The following CORO2A variants were observed in gnomAD, a reference collection of about 807,000 sequenced individuals.
CORO2A encodes coronin-2A.
Under a neutral mutation model 62.4 loss-of-function variants are expected in CORO2A, and 47 were observed. That is an observed-to-expected ratio of 0.75 (90% confidence interval 0.60 to 0.96). The LOEUF (loss-of-function observed/expected upper bound fraction) is 0.96, where lower values mean the gene tolerates loss of function less well. Ranked by LOEUF, CORO2A falls within the 40% of genes least tolerant of loss-of-function variation. The pLI is 0.00. For synonymous variants in CORO2A, 273 were observed against 268.9 expected, an observed-to-expected ratio of 1.02 and a Z score of -0.15; for missense variants, 610 against 684.1, an observed-to-expected ratio of 0.89 and a Z score of 1.21.
At chr9:98,134,187 C>A (rs1384897975) in intron 4 of CORO2A, among the ~76,000 whole-genome samples, 1 of 152,184 alleles carries the variant, frequency 6.6e-6, no homozygotes, top group Non-Finnish European at 1.5e-5. Context: ...GAAACTGAGG[C>A]CTAGAGAAGT....
At chr9:98,130,914 C>T (rs747042928) in intron 7 of CORO2A, 41 bp downstream of exon 7, 1 of 1,538,560 alleles carries the variant, frequency 6.5e-7, no homozygotes. Context: ...GCCGCTGTCT[C>T]AGGGGTCCAG....
intron 1 of CORO2A, among the ~76,000 whole-genome samples, chr9:98,179,119 T>C (rs1828145190): frequency 2.0e-5 from 3 of 152,224 alleles, no homozygotes; most frequent in African/African-American, 7.2e-5. Flanking sequence ...ATCTGTAAAA[T>C]GGAACGAATC....
Position 98,137,611 on chromosome 9 carries a change from A to G in CORO2A, c.279T>C (p.Phe93=). Residue 93 remains phenylalanine (F), a synonymous_variant, in exon 3 of 12, where the codon TTT becomes TTC. Coordinates refer to ENST00000375077, the MANE Select transcript of CORO2A (RefSeq NM_052820.4). ...GNVLDVKWNP[F]DDFEIASCSE... ...AACAGGAGGCGATCTCAAAATCATC[A>G]AAAGGGTTCCACTTGACATCCAAAA... 1 of 1,614,220 alleles carries G rather than the reference A, an allele frequency of 6.2e-7. No homozygotes were observed. Among genetic ancestry groups the G allele is most frequent in the Non-Finnish European group, 8.5e-7 (1 of 1,180,042 alleles).
intron 1 of CORO2A, among the ~76,000 whole-genome samples, chr9:98,160,684 C>G (rs1189851373): frequency 6.6e-6 from 1 of 152,126 alleles, no homozygotes; most frequent in African/African-American, 2.4e-5. Flanking sequence ...CGCTCCAGGC[C>G]CCCCCACTCC....
intron 1 of CORO2A, among the ~76,000 whole-genome samples, chr9:98,173,770 G>A (rs1361651300): frequency 6.6e-6 from 1 of 152,148 alleles, no homozygotes; most frequent in African/African-American, 2.4e-5. Context: ...CCTTCTCTAA[G>A]TCTTGATACC....
intron 1 of CORO2A, among the ~76,000 whole-genome samples, chr9:98,190,048 C>A (rs1678541347): frequency 6.6e-6 from 1 of 152,130 alleles, no homozygotes; most frequent in Non-Finnish European, 1.5e-5. Context: ...CCACACCCAG[C>A]TAATTTTTAT....
chr9:98,133,295 C>G, intron 4 of CORO2A, 78 bp from the exon 5 acceptor site: 1 of 1,383,730 alleles, frequency 7.2e-7, no homozygotes, highest in Non-Finnish European at 1.0e-6. Flanking sequence ...GGCCAGGATG[C>G]AGTGAAACAC....
chr9:98,140,857 C>T lies in CORO2A; in HGVS notation c.202-3169G>A, dbSNP rs190304576. The stretch of plus-strand genomic sequence containing the variant: ...TCAGGAAAAAGTGATCAGACACCTC[C>T]GCCTAGACTGGATCCCCTACTGGAG... On this transcript the variant is annotated intron_variant, in intron 2 of 11. Coordinates refer to ENST00000375077, the MANE Select transcript of CORO2A (RefSeq NM_052820.4). Among the ~76,000 whole-genome samples the T allele has an allele frequency of 3.5e-4, 54 of 152,284 alleles. No homozygotes were observed. In the East Asian group the frequency reaches 3.9e-3, roughly 11 times the overall value.
chr9:98,192,176 C>G (rs1828313077), intron 1 of CORO2A, among the ~76,000 whole-genome samples: 2 of 152,172 alleles, frequency 1.3e-5, no homozygotes, highest in African/African-American at 2.4e-5. Context: ...ATGGAGCACC[C>G]GGGCCACAGC....
chr9:98,176,403 T>C (rs1828109665), intron 1 of CORO2A, among the ~76,000 whole-genome samples: 1 of 152,186 alleles, frequency 6.6e-6, no homozygotes, highest in East Asian at 1.9e-4. Flanking sequence ...AGTCTAGTGA[T>C]GGGGAGCTCA....
intron 1 of CORO2A, among the ~76,000 whole-genome samples, chr9:98,161,478 G>A (rs13290961): frequency 6.6e-6 from 1 of 151,852 alleles, no homozygotes; most frequent in Non-Finnish European, 1.5e-5. Context: ...CACTTGAACC[G>A]GGAATGCGGA....
At chr9:98,175,487 C>T (rs894001885) in intron 1 of CORO2A, among the ~76,000 whole-genome samples, 1 of 152,198 alleles carries the variant, frequency 6.6e-6, no homozygotes, top group Non-Finnish European at 1.5e-5. Context: ...CCCAGTGACC[C>T]GGCTCCAGTA....
chr9:98,150,785 A>C (rs2118857803), intron 2 of CORO2A, among the ~76,000 whole-genome samples: 1 of 152,328 alleles, frequency 6.6e-6, no homozygotes, highest in South Asian at 2.1e-4. Flanking sequence ...ACAAGTAGCA[A>C]AATCGGCCAT....
In CORO2A at chr9:98,130,951, C is replaced by T. The variant is rs571119888; in HGVS notation, c.870+4G>A. 3.4e-5 allele frequency: 55 copies of T among 1,612,572 alleles called. No homozygotes were observed. The East Asian group carries it at 7.4e-4, about 22-fold the overall frequency. On this transcript the variant is annotated splice_donor_region_variant and intron_variant, in intron 7 of 11. Transcript: ENST00000375077. ...AGGTCACCTCCCTCCCGTGCCAAGCCGACCTTCCCCACCACGTAGAGCATG... is the reference window on the plus strand; with the variant it reads ...AGGTCACCTCCCTCCCGTGCCAAGCTGACCTTCCCCACCACGTAGAGCATG...
chr9:98,145,035 T>C (rs1827624073), intron 2 of CORO2A, among the ~76,000 whole-genome samples: 2 of 152,098 alleles, frequency 1.3e-5, no homozygotes, highest in South Asian at 2.1e-4. Context: ...GCAGCACTTC[T>C]AAAATGCACA....
intron 2 of CORO2A, 74 bp downstream of exon 2, chr9:98,157,386 A>T: frequency 7.0e-7 from 1 of 1,433,294 alleles, no homozygotes; most frequent in South Asian, 1.2e-5. Flanking sequence ...CTTTCTAGAA[A>T]CCCAGGCTCT....
chr9:98,174,855 G>A (rs1828087944), intron 1 of CORO2A, among the ~76,000 whole-genome samples: 3 of 152,154 alleles, frequency 2.0e-5, no homozygotes. Flanking sequence ...TTATAGCAGT[G>A]TGAGAGTGGA....
intron 1 of CORO2A, among the ~76,000 whole-genome samples, chr9:98,191,370 C>A (rs7029784): frequency 6.6e-6 from 1 of 152,132 alleles, no homozygotes; most frequent in Non-Finnish European, 1.5e-5. Context: ...GCAGACACCT[C>A]GGCTCCCTCT....
chr9:98,169,210 GCGC>G (rs148270502), intron 1 of CORO2A, among the ~76,000 whole-genome samples: 3,089 of 151,876 alleles, frequency 0.02, 74 homozygotes, highest in African/African-American at 0.056. Context: ...CCCCGCCCCC[GCGC>G]CGCCCATCCT....
Sources: allele counts gnomAD v4.1 joint callset (sites outside exome capture counted in the v4.1 genomes callset), GRCh38; gene constraint gnomAD v4.1.1; transcripts MANE v1.5; gene names NCBI Gene and HGNC (gene_info 2026-07-23, HGNC 2026-07-21).